The following RSU1 variants were observed in gnomAD, a reference collection of about 807,000 sequenced individuals.
The protein encoded by RSU1 is Ras suppressor protein 1.
RSU1 carries 26 observed loss-of-function variants against 31.1 expected under a neutral mutation model. The ratio of observed to expected loss-of-function variants is 0.84; its 90% CI spans 0.61 to 1.16. The LOEUF (loss-of-function observed/expected upper bound fraction) is 1.16, where lower values mean the gene tolerates loss of function less well. Among genes scored for constraint, RSU1 ranks in the 50% most tolerant of loss-of-function variants. The pLI is 0.00. For missense variants in RSU1, 320 were observed against 339.1 expected, an observed-to-expected ratio of 0.94 and a Z score of 0.44; for synonymous variants, 164 against 136.3, an observed-to-expected ratio of 1.20 and a Z score of -1.41.
At chr10:16,761,810 T>C (rs1837216289) in intron 4 of RSU1, among the ~76,000 whole-genome samples, 1 of 152,068 alleles carries the variant, frequency 6.6e-6, no homozygotes, top group African/African-American at 2.4e-5. Context: ...GAGCCAAGAT[T>C]GTGCCACCAT....
At chr10:16,737,540 AT>A (rs1012719287) in intron 7 of RSU1, among the ~76,000 whole-genome samples, 1 of 152,062 alleles carries the variant, frequency 6.6e-6, no homozygotes, top group African/African-American at 2.4e-5. Context: ...AAATAAAAAT[AT>A]TTCAGATAAA....
intron 3 of RSU1, among the ~76,000 whole-genome samples, chr10:16,775,221 A>G (rs1588526853): frequency 6.9e-6 from 1 of 144,010 alleles, no homozygotes; most frequent in African/African-American, 2.7e-5. Context: ...TTGCTATTAA[A>G]TCAATTCTGT....
At chr10:16,752,686 T>C (rs1486054670) in intron 6 of RSU1, 33 bp from the exon 7 acceptor site, 1 of 1,513,776 alleles carries the variant, frequency 6.6e-7, no homozygotes, top group Non-Finnish European at 9.2e-7. Context: ...TCAACATATT[T>C]ACACATTAAA....
intron 8 of RSU1, among the ~76,000 whole-genome samples, chr10:16,693,760 G>T (rs1835615291): frequency 6.6e-6 from 1 of 152,118 alleles, no homozygotes; most frequent in Non-Finnish European, 1.5e-5. Flanking sequence ...TACTTGGAAG[G>T]CTGAAATGGA....
intron 7 of RSU1, among the ~76,000 whole-genome samples, chr10:16,721,106 A>G (rs946373343): frequency 1.3e-5 from 2 of 152,232 alleles, no homozygotes; most frequent in African/African-American, 4.8e-5. Context: ...ATGAAGATAA[A>G]TAACTTGTCC....
intron 8 of RSU1, among the ~76,000 whole-genome samples, chr10:16,692,576 T>A (rs75389065): frequency 0.016 from 2,362 of 152,260 alleles, 25 homozygotes; most frequent in South Asian, 0.054. Context: ...TAGCTTCCTG[T>A]TTACTAAGAA....
chr10:16,742,004 G>T (rs1703860207), intron 7 of RSU1, among the ~76,000 whole-genome samples: 1 of 152,232 alleles, frequency 6.6e-6, no homozygotes, highest in East Asian at 1.9e-4. Context: ...TGTATATGGG[G>T]TTGGAAGTCA....
intron 3 of RSU1, among the ~76,000 whole-genome samples, chr10:16,767,073 C>G (rs1161536137): frequency 6.6e-6 from 1 of 151,638 alleles, no homozygotes; most frequent in South Asian, 2.1e-4. Flanking sequence ...TTCTGGGTCA[C>G]TGGATGTCAT....
At chr10:16,620,486 G>C (rs1834049845) in intron 8 of RSU1, among the ~76,000 whole-genome samples, 1 of 151,674 alleles carries the variant, frequency 6.6e-6, no homozygotes, top group Non-Finnish European at 1.5e-5. Flanking sequence ...GGCCTCAGCA[G>C]GTCTCACGAG....
At chr10:16,703,537 A>T (rs1474277999) in intron 7 of RSU1, among the ~76,000 whole-genome samples, 1 of 152,192 alleles carries the variant, frequency 6.6e-6, no homozygotes, top group Non-Finnish European at 1.5e-5. Flanking sequence ...GAACAACTAG[A>T]AACAACTCAG....
intron 2 of RSU1, among the ~76,000 whole-genome samples, chr10:16,782,487 T>C (rs904589544): frequency 1.3e-5 from 2 of 152,158 alleles, no homozygotes; most frequent in African/African-American, 4.8e-5. Flanking sequence ...TTTTAATTAT[T>C]ATTATTTTTG....
intron 3 of RSU1, among the ~76,000 whole-genome samples, chr10:16,769,015 G>A (rs1837372605): frequency 6.6e-6 from 1 of 152,350 alleles, no homozygotes; most frequent in South Asian, 2.1e-4. Context: ...ACAGGCATGT[G>A]CCAGCCGGTA....
intron 7 of RSU1, among the ~76,000 whole-genome samples, chr10:16,729,587 C>T (rs555790694): frequency 1.3e-5 from 2 of 152,260 alleles, no homozygotes; most frequent in East Asian, 3.9e-4. Context: ...TCCTTGTAAC[C>T]ACAAAGGCAT....
chr10:16,642,101 G>T (rs1177299866), intron 8 of RSU1, among the ~76,000 whole-genome samples: 1 of 152,146 alleles, frequency 6.6e-6, no homozygotes, highest in African/African-American at 2.4e-5. Context: ...ATTGATAACA[G>T]GCAGCAGTCT....
intron 3 of RSU1, among the ~76,000 whole-genome samples, chr10:16,767,587 C>A (rs1837339563): frequency 2.6e-5 from 4 of 152,180 alleles, no homozygotes; most frequent in Admixed American, 2.6e-4. Flanking sequence ...CTAATAGTCT[C>A]CCTCAATATA....
chr10:16,604,977 CGA>C (rs1461446825), intron 8 of RSU1, among the ~76,000 whole-genome samples: 1 of 152,140 alleles, frequency 6.6e-6, no homozygotes, highest in Non-Finnish European at 1.5e-5. Context: ...AGCACTGTGG[CGA>C]GAGAGCCTGC....
chr10:16,686,706 A>T (rs1835445983), intron 8 of RSU1, among the ~76,000 whole-genome samples: 1 of 152,158 alleles, frequency 6.6e-6, no homozygotes, highest in Admixed American at 6.5e-5. Flanking sequence ...TGGAGAAGGG[A>T]ACAGGGGAAA....
intron 2 of RSU1, among the ~76,000 whole-genome samples, chr10:16,816,191 T>C (rs557685451): frequency 6.6e-6 from 1 of 152,312 alleles, no homozygotes; most frequent in South Asian, 2.1e-4. Context: ...AGAATCTTGG[T>C]TCCTTTAAGA....
intron 8 of RSU1, among the ~76,000 whole-genome samples, chr10:16,665,462 A>G (rs7912760): frequency 0.028 from 4,210 of 152,314 alleles, 196 homozygotes; most frequent in African/African-American, 0.095. Context: ...GACCACAGCA[A>G]TGCATTAAAT....
Sources: gnomAD v4.1 joint callset for allele counts (sites outside exome capture counted in the v4.1 genomes callset) on GRCh38, gnomAD v4.1.1 for gene constraint, MANE v1.5 for transcripts, NCBI Gene and HGNC (gene_info 2026-07-23, HGNC 2026-07-21) for gene names.